Variants in ARHGEF7 observed in about 807,000 individuals in gnomAD.
ARHGEF7 encodes Rho guanine nucleotide exchange factor 7.
Under a neutral mutation model 109.8 loss-of-function variants are expected in ARHGEF7, and 33 were observed. The observed-to-expected ratio is 0.30, with a 90% CI of 0.23 to 0.40. The LOEUF is 0.40. ARHGEF7 is among the 10% of genes least tolerant of loss of function. The pLI is 1.00. For missense variants in ARHGEF7, 938 were observed against 1,098.5 expected (o/e 0.85, Z 2.07); for synonymous variants, 458 against 424.6 (o/e 1.08, Z -0.97).
chr13:111,153,570 G>C (rs1209025785), intron 1 of ARHGEF7: 2 of 1,043,534 alleles, frequency 1.9e-6, no homozygotes, highest in Non-Finnish European at 2.3e-6. Context: ...AGGGTGGGCT[G>C]CGTCCGCGGG....
At chr13:111,124,389 C>G (rs928041361) in intron 1 of ARHGEF7, among the ~76,000 whole-genome samples, 4 of 152,262 alleles carry the variant, frequency 2.6e-5, no homozygotes, top group African/African-American at 7.2e-5. Flanking sequence ...CTGTTGGTCT[C>G]TTCTCCAGCA....
At position 111,303,337 on chromosome 13, in the gene ARHGEF7, A is replaced by C. The variant is rs1595665482; in HGVS notation, c.*224A>C. The C allele has an allele frequency of 2.6e-6, 1 of 390,840 alleles. No homozygotes were observed. Among genetic ancestry groups the C allele is most frequent in the South Asian group, 6.6e-5 (1 of 15,182 alleles). The allele number at this position is 390,840 out of a possible 1,614,324, so 24.2% of individuals were successfully genotyped here. A position where few individuals can be genotyped will look rare whatever the true frequency, so the allele number is the denominator to read the frequency against. ...TGACTCTGAGGACCTGAGCTACATC[A>C]ATCCACTCTGTGAACATCTCAGTTA... On this transcript the variant is annotated 3_prime_UTR_variant, in exon 22 of 22. Coordinates refer to ENST00000646102, the MANE Select transcript of ARHGEF7 (RefSeq NM_001354046.2).
At chr13:111,206,166 T>C (rs1284274327) in intron 3 of ARHGEF7, among the ~76,000 whole-genome samples, 1 of 152,004 alleles carries the variant, frequency 6.6e-6, no homozygotes, top group African/African-American at 2.4e-5. Flanking sequence ...TGCCGTGTCC[T>C]TTTCAAACAG....
chr13:111,293,485 G>A (rs2093351079), intron 19 of ARHGEF7: 1 of 984,248 alleles, frequency 1.0e-6, no homozygotes, highest in African/African-American at 1.8e-5. Context: ...TTGTTGTAAG[G>A]AGTTTTCACT....
chr13:111,203,766 T>C (rs1472838988), intron 2 of ARHGEF7, among the ~76,000 whole-genome samples: 1 of 152,246 alleles, frequency 6.6e-6, no homozygotes, highest in Non-Finnish European at 1.5e-5. Context: ...TGGAAAATTA[T>C]AGACAGAAGG....
At position 111,235,522 on chromosome 13, in the gene ARHGEF7, A is replaced by G. The variant is rs1181697826; in HGVS notation, c.759+2229A>G. Among the ~76,000 whole-genome samples the G allele has an allele frequency of 2.6e-5, 4 of 152,248 alleles. No individual in the cohort carries two copies. In the East Asian group the frequency reaches 7.7e-4, roughly 29 times the overall value. ...AAATCACATCTAAATTGTTTTCTAT[A>G]TAAAGCTGCATTTATAAATAGCACA... On this transcript the variant is annotated intron_variant, in intron 6 of 21. Transcript: ENST00000646102.
intron 2 of ARHGEF7, among the ~76,000 whole-genome samples, chr13:111,155,991 A>G (rs761298996): frequency 1.3e-5 from 2 of 151,788 alleles, no homozygotes; most frequent in Non-Finnish European, 2.9e-5. Context: ...TGGCTGAGAC[A>G]GGAGAATCCC....
At chr13:111,293,947 C>G (rs2093363418) in intron 19 of ARHGEF7, 1 of 985,290 alleles carries the variant, frequency 1.0e-6, no homozygotes, top group Non-Finnish European at 1.2e-6. Flanking sequence ...TGGGTGGCTT[C>G]ATTCAGCATG....
At chr13:111,141,051 T>G (rs1199373649) in intron 1 of ARHGEF7, among the ~76,000 whole-genome samples, 3 of 152,158 alleles carry the variant, frequency 2.0e-5, no homozygotes, top group Non-Finnish European at 4.4e-5. Flanking sequence ...AGTACTGAGT[T>G]CCTATACACT....
intron 19 of ARHGEF7, chr13:111,294,792 T>A (rs376951124): frequency 1.0e-6 from 1 of 985,696 alleles, no homozygotes; most frequent in Non-Finnish European, 1.2e-6. Flanking sequence ...AGTATTCTAA[T>A]GAAAGGATGA....
At chr13:111,120,472 TACACAC>T (rs35570792) in intron 1 of ARHGEF7, among the ~76,000 whole-genome samples, 599 of 150,700 alleles carry the variant, frequency 4.0e-3, no homozygotes, top group South Asian at 0.013. Flanking sequence ...TGCATGTAAA[TACACAC>T]ACACACAGAC....
rs571023809 is a variant in ARHGEF7 at position 111,178,490 on chromosome 13, ACTCTTGC to A, written c.252+24501_252+24507del. Among the ~76,000 whole-genome samples the A allele has an allele frequency of 1.1e-4, 17 of 152,238 alleles. No individual in the cohort carries two copies. In the East Asian group the frequency reaches 3.3e-3, roughly 29 times the overall value. ...GATACAGTATTCAGATGGAATGTTC[ACTCTTGC>A]CCTTTAGGGAAGGTTTCAAGGTTAG... On this transcript the variant is annotated intron_variant, in intron 2 of 21. Coordinates refer to ENST00000646102, the MANE Select transcript of ARHGEF7 (RefSeq NM_001354046.2).
intron 1 of ARHGEF7, among the ~76,000 whole-genome samples, chr13:111,123,097 A>G (rs1161578594): frequency 3.3e-5 from 5 of 152,216 alleles, no homozygotes; most frequent in African/African-American, 1.2e-4. Flanking sequence ...ATCAAGAGGT[A>G]GGAGTCTGCT....
At chr13:111,188,546 C>T (rs1234430750) in intron 2 of ARHGEF7, among the ~76,000 whole-genome samples, 9 of 152,142 alleles carry the variant, frequency 5.9e-5, no homozygotes, top group South Asian at 2.1e-4. Flanking sequence ...GAGGCTTCTG[C>T]GAAAGAATGT....
At chr13:111,247,823 G>A (rs756904395) in intron 8 of ARHGEF7, among the ~76,000 whole-genome samples, 1 of 152,184 alleles carries the variant, frequency 6.6e-6, no homozygotes, top group Admixed American at 6.5e-5. Flanking sequence ...GATAGAAACT[G>A]TCTGGCTCAC....
intron 2 of ARHGEF7, among the ~76,000 whole-genome samples, chr13:111,201,494 A>C (rs1437035969): frequency 1.3e-5 from 2 of 152,210 alleles, no homozygotes; most frequent in Non-Finnish European, 2.9e-5. Flanking sequence ...CCTGTAAGTC[A>C]TGTAGATGAT....
At chr13:111,224,094 A>G (rs971445947) in intron 5 of ARHGEF7, among the ~76,000 whole-genome samples, 1 of 152,228 alleles carries the variant, frequency 6.6e-6, no homozygotes, top group South Asian at 2.1e-4. Context: ...TGACCTTGTC[A>G]TCTGCCCGCC....
chr13:111,214,004 C>G (rs1475657647), intron 4 of ARHGEF7, among the ~76,000 whole-genome samples: 2 of 152,204 alleles, frequency 1.3e-5, no homozygotes, highest in Non-Finnish European at 2.9e-5. Context: ...GCCCACATGT[C>G]CTTCAGTGTA....
intron 16 of ARHGEF7, 117 bp from the exon 17 acceptor site, chr13:111,286,030 C>T (rs2093003986): frequency 1.4e-6 from 1 of 711,740 alleles, no homozygotes; most frequent in Non-Finnish European, 2.4e-6. Flanking sequence ...AGGCGAGAAG[C>T]TCTTATCAGT....
Sources: allele counts gnomAD v4.1 joint callset (sites outside exome capture counted in the v4.1 genomes callset), GRCh38; gene constraint gnomAD v4.1.1; transcripts MANE v1.5; gene names NCBI Gene and HGNC (gene_info 2026-07-23, HGNC 2026-07-21).